The following LGALS16 variants were observed in gnomAD, a reference collection of about 807,000 sequenced individuals.
LGALS16 encodes the protein galectin-16.
LGALS16 carries 15 observed loss-of-function variants against 13.2 expected under a neutral mutation model. The observed-to-expected ratio is 1.13, with a 90% confidence interval of 0.76 to 1.75. The LOEUF (loss-of-function observed/expected upper bound fraction) is 1.75, where lower values mean the gene tolerates loss of function less well. Among genes scored for constraint, LGALS16 ranks in the 40% most tolerant of loss-of-function variants. The probability of loss-of-function intolerance (pLI) is 0.00; values close to 1 mark genes in which losing one functional copy is unlikely to be tolerated. For synonymous variants in LGALS16, 66 were observed against 65.4 expected (o/e 1.01, Z -0.05); for missense variants, 198 against 178.4 (o/e 1.11, Z -0.63).
rs1324643695 is a variant in LGALS16, at chr19:39,660,622, G to C, written c.*102G>C. 6 of 1,026,762 alleles carry C rather than the reference G, an allele frequency of 5.8e-6. No individual in the cohort carries two copies. The African/African-American group carries it at 8.0e-5, about 14-fold the overall frequency. The allele number at this position is 1,026,762 out of a possible 1,614,324, so 63.6% of individuals were successfully genotyped here. ...CTCCTCAACCCCTTCCCCTACACTT[G>C]GTCATTAAAACAGCACCAAACCGTA... is the stretch of plus-strand genomic sequence containing the variant. On this transcript the variant is annotated 3_prime_UTR_variant, in exon 4 of 4. Coordinates refer to ENST00000392051, the MANE Select transcript of LGALS16 (RefSeq NM_001190441.3).
At position 39,659,281 on chromosome 19, in the gene LGALS16, A is replaced by G. The variant is rs757714863; in HGVS notation, c.303+611A>G. On this transcript the variant is annotated intron_variant, in intron 3 of 3. Coordinates refer to ENST00000392051, the MANE Select transcript of LGALS16 (RefSeq NM_001190441.3). ...TTTTTAGTAGAGACGGGGTTTCACC[A>G]TGTTGGCCAGGCTGGTCTTGAACTC... Among the ~76,000 whole-genome samples, 81 of 152,158 alleles carry G rather than the reference A, an allele frequency of 5.3e-4. 1 individual carries two copies. Among genetic ancestry groups the G allele is most frequent in the Middle Eastern group, 3.4e-3 (1 of 294 alleles).
At position 39,658,534 on chromosome 19, in the gene LGALS16, T is replaced by G. The variant is rs752399690; in HGVS notation, c.167T>G (p.Val56Gly). 14 of 1,608,120 alleles carry G rather than the reference T, an allele frequency of 8.7e-6. No homozygotes were observed. The highest frequency in any genetic ancestry group is 1.3e-5 in the African/African-American group (1 of 74,986). ...TCAGAAATTGCCTTCCATTTGCGAG[T>G]GCACTTAGGCCGTCGTGTGGTCATG... Reference protein sequence around the residue: ...EDSEIAFHLRVHLGRRVVMNS... With the variant: ...EDSEIAFHLRGHLGRRVVMNS... Residue 56 changes from valine to glycine, a missense_variant, in exon 3 of 4, where the codon GTG becomes GGG. Val to Gly is a moderately radical substitution (Grantham distance 109). Transcript: ENST00000392051.
At chr19:39,657,834 A>G (rs1171921254) in intron 1 of LGALS16, 49 bp from the exon 2 acceptor site, 1 of 1,598,292 alleles carries the variant, frequency 6.3e-7, no homozygotes, top group Admixed American at 1.7e-5. Flanking sequence ...ACAGGAAGGG[A>G]GACTGCACCT....
rs1437893317 is a variant in LGALS16, at chr19:39,660,451, T to C, written c.360T>C (p.Tyr120=). The C allele has an allele frequency of 6.5e-7, 1 of 1,542,526 alleles. No homozygotes were observed. Among genetic ancestry groups the C allele is most frequent in the Non-Finnish European group, 8.7e-7 (1 of 1,148,348 alleles). The change falls in exon 4 of 4, where the codon TAT becomes TAC. Residue 120 remains tyrosine, a synonymous_variant. Transcript: ENST00000392051. ...YAFVHRIPPS[Y]VKMIQVWRDV... ...TTGTCCATCGAATCCCGCCATCATA[T>C]GTGAAGATGATTCAAGTGTGGAGAG...
At chr19:39,656,427 G>A (rs1158559116) in intron 1 of LGALS16, among the ~76,000 whole-genome samples, 1 of 152,170 alleles carries the variant, frequency 6.6e-6, no homozygotes, top group African/African-American at 2.4e-5. Context: ...GTGTGACTGT[G>A]GGTGTGTGTG....
Position 39,658,473 on chromosome 19 carries a change from C to T in LGALS16, c.106C>T (p.Leu36=). Residue 36 remains leucine, a synonymous_variant, in exon 3 of 4, where the codon CTG becomes TTG. Coordinates refer to ENST00000392051, the MANE Select transcript of LGALS16 (RefSeq NM_001190441.3). Reference sequence around the variant, plus strand: ...CTTTGCCCTCAGCAACGAACCACAGCTGCAGGTGGATTTCTACACTGAGAT... The same window carrying T: ...CTTTGCCCTCAGCAACGAACCACAGTTGCAGGTGGATTTCTACACTGAGAT... ...LIDSSINEPQ[L]QVDFYTEMNE... 6.2e-7 allele frequency: 1 copy of T among 1,600,280 alleles called. No homozygotes were observed. The highest frequency in any genetic ancestry group is 8.5e-7 in the Non-Finnish European group (1 of 1,175,916).
chr19:39,659,501 C>T (rs1226806201), intron 3 of LGALS16, among the ~76,000 whole-genome samples: 1 of 152,152 alleles, frequency 6.6e-6, no homozygotes, highest in African/African-American at 2.4e-5. Flanking sequence ...GGTTTTTCAT[C>T]AAAGAATATA....
intron 1 of LGALS16, among the ~76,000 whole-genome samples, chr19:39,656,415 C>T (rs1275192766): frequency 6.6e-6 from 1 of 152,090 alleles, no homozygotes; most frequent in Non-Finnish European, 1.5e-5. Context: ...TGGCATGGCT[C>T]TGTGTGACTG....
intron 3 of LGALS16, among the ~76,000 whole-genome samples, chr19:39,659,801 G>A (rs980664425): frequency 3.3e-5 from 5 of 152,246 alleles, no homozygotes; most frequent in African/African-American, 1.2e-4. Flanking sequence ...CTAACGAGTA[G>A]GCCAAAAGAT....
At chr19:39,658,120 T>C (rs1973215963) in intron 2 of LGALS16, among the ~76,000 whole-genome samples, 161 bp downstream of exon 2, 1 of 152,224 alleles carries the variant, frequency 6.6e-6, no homozygotes, top group Admixed American at 6.5e-5. Flanking sequence ...GCATGAGACC[T>C]GCAGCAACTG....
At chr19:39,657,803 C>T in intron 1 of LGALS16, 80 bp from the exon 2 acceptor site, 1 of 1,511,728 alleles carries the variant, frequency 6.6e-7, no homozygotes, top group Non-Finnish European at 9.1e-7. Flanking sequence ...TCTCTAACCT[C>T]CTGCACCATG....
intron 1 of LGALS16, 131 bp from the exon 2 acceptor site, chr19:39,657,751 TG>T: frequency 1.0e-6 from 1 of 977,186 alleles, no homozygotes; most frequent in Non-Finnish European, 1.6e-6. Context: ...GCCCTGACTG[TG>T]GTAGAGTGAA....
At chr19:39,658,029 T>C (rs529980929) in intron 2 of LGALS16, 70 bp downstream of exon 2, 70 of 1,565,390 alleles carry the variant, frequency 4.5e-5, no homozygotes, top group Middle Eastern at 3.3e-4. Flanking sequence ...TTTGACCTTA[T>C]GTGTGGGTGA....
At position 39,660,545 on chromosome 19, in the gene LGALS16, C is replaced by T; in HGVS notation, c.*25C>T. The T allele has an allele frequency of 1.9e-6, 3 of 1,545,340 alleles. No homozygotes were observed. Among genetic ancestry groups the T allele is most frequent in the South Asian group, 1.2e-5 (1 of 84,966 alleles). ...ATCACACTCCTCATTGTTGAGGAAA[C>T]CCTCTTTCTACCTGACCATGGGATT... On this transcript the variant is annotated 3_prime_UTR_variant, in exon 4 of 4. Transcript: ENST00000392051.
chr19:39,656,031 G>A, intron 1 of LGALS16, 55 bp downstream of exon 1: 2 of 1,575,856 alleles, frequency 1.3e-6, no homozygotes, highest in East Asian at 2.3e-5. Flanking sequence ...AACCAAGAAA[G>A]ATGTGGGGTA....
At chr19:39,659,963 C>T (rs962484119) in intron 3 of LGALS16, among the ~76,000 whole-genome samples, 65 of 152,332 alleles carry the variant, frequency 4.3e-4, no homozygotes, top group African/African-American at 1.5e-3. Flanking sequence ...ATGTAGGCTA[C>T]TCCAAAGAGG....
intron 1 of LGALS16, 190 bp from the exon 2 acceptor site, chr19:39,657,693 G>A (rs765371922): frequency 1.1e-5 from 7 of 657,510 alleles, no homozygotes; most frequent in Non-Finnish European, 1.8e-5. Context: ...CTTGGCTCCT[G>A]AACCCTTGCT....
At chr19:39,658,342 C>T (rs1973218738) in intron 2 of LGALS16, 118 bp from the exon 3 acceptor site, 5 of 850,702 alleles carry the variant, frequency 5.9e-6, no homozygotes, top group Non-Finnish European at 9.4e-6. Context: ...ACCAGGCCTG[C>T]AGTATCATCA....
chr19:39,658,419 A>G lies in LGALS16; in HGVS notation c.93-41A>G, dbSNP rs566345929. On this transcript the variant is annotated intron_variant, in intron 2 of 3. Transcript: ENST00000392051. ...TGCGTGTCAAGTGTGTGTCTGTGCAATGAAGGAACCTGTCCAATATGCTGT... is the reference window on the plus strand; with the variant it reads ...TGCGTGTCAAGTGTGTGTCTGTGCAGTGAAGGAACCTGTCCAATATGCTGT... The G allele has an allele frequency of 1.9e-3, 2,919 of 1,501,456 alleles. 8 individuals are homozygous for G. Among genetic ancestry groups the G allele is most frequent in the Non-Finnish European group, 2.5e-3 (2,728 of 1,105,132 alleles). The allele number at this position is 1,501,456 out of a possible 1,614,324, so 93.0% of individuals were successfully genotyped here. A position where few individuals can be genotyped will look rare whatever the true frequency, so the allele number is the denominator to read the frequency against.
Sources: gnomAD v4.1 joint callset for allele counts (sites outside exome capture counted in the v4.1 genomes callset) on GRCh38, gnomAD v4.1.1 for gene constraint, MANE v1.5 for transcripts, NCBI Gene and HGNC (gene_info 2026-07-23, HGNC 2026-07-21) for gene names.